Variants in ABTB2 observed in about 807,000 individuals in gnomAD.
ABTB2 encodes ankyrin repeat and BTB/POZ domain-containing protein 2.
A neutral mutation model predicts 104.1 loss-of-function variants in ABTB2; 56 were observed. The ratio of observed to expected loss-of-function variants is 0.54; its 90% CI spans 0.43 to 0.67. ABTB2 has a LOEUF of 0.67. Ranked by LOEUF, ABTB2 falls within the 30% of genes least tolerant of loss-of-function variation. The probability of loss-of-function intolerance (pLI) is 0.00; values close to 1 mark genes in which losing one functional copy is unlikely to be tolerated. For synonymous variants in ABTB2, 606 were observed against 608.2 expected, an observed-to-expected ratio of 1.00 and a Z score of 0.05; for missense variants, 1,279 against 1,407.7, an observed-to-expected ratio of 0.91 and a Z score of 1.46.
Position 34,178,830 on chromosome 11 carries a change from C to T in ABTB2, c.1245-5523G>A, listed in dbSNP as rs762044889. 2.3e-4 allele frequency among the ~76,000 whole-genome samples: 35 copies of T among 152,130 alleles called. 1 individual carries two copies. Among genetic ancestry groups the T allele is most frequent in the Non-Finnish European group, 4.6e-4 (31 of 68,030 alleles). ...GCAGCTGACACTTGTAATCCCAGCA[C>T]TTTGGAAGGCTGAGGTGGGCGGATT... On this transcript the variant is annotated intron_variant, in intron 3 of 16. Coordinates refer to ENST00000435224, the MANE Select transcript of ABTB2 (RefSeq NM_145804.3).
At chr11:34,211,533 A>G (rs1283153701) in intron 1 of ABTB2, among the ~76,000 whole-genome samples, 3 of 152,058 alleles carry the variant, frequency 2.0e-5, no homozygotes, top group Non-Finnish European at 4.4e-5. Context: ...GGGAAATAAG[A>G]GGAAAAACCT....
intron 9 of ABTB2, among the ~76,000 whole-genome samples, chr11:34,164,254 C>T (rs1018726161): frequency 6.6e-6 from 1 of 152,226 alleles, no homozygotes; most frequent in African/African-American, 2.4e-5. Flanking sequence ...GCAAGCTCTA[C>T]CATCTGCACC....
chr11:34,168,174 G>A (rs919696664), intron 5 of ABTB2, among the ~76,000 whole-genome samples, 182 bp from the exon 6 acceptor site: 3 of 152,162 alleles, frequency 2.0e-5, no homozygotes, highest in Non-Finnish European at 4.4e-5. Context: ...AGGTGAGTGG[G>A]GGCACTGCCA....
intron 1 of ABTB2, among the ~76,000 whole-genome samples, chr11:34,330,662 A>C (rs1477258728): frequency 6.6e-6 from 1 of 152,258 alleles, no homozygotes; most frequent in Admixed American, 6.5e-5. Context: ...TTGATAAATT[A>C]TACCCAATCC....
Position 34,162,701 on chromosome 11 carries a change from C to T in ABTB2, c.2093G>A (p.Ser698Asn), listed in dbSNP as rs1852739751. 6.2e-7 allele frequency: 1 copy of T among 1,612,690 alleles called. No homozygotes were observed. The highest frequency in any genetic ancestry group is 1.3e-5 in the African/African-American group (1 of 74,930). Residue 698 changes from serine to asparagine, a missense_variant, in exon 10 of 17, where the codon AGC (serine) becomes AAC (asparagine). Transcript: ENST00000435224. ...AEGVEESDAS[S>N]QGSGSEGPVR... ...GGGCCCCTCGCTGCCACTGCCCTGGCTCGACGCATCACTTTCCTCCACACC... is the reference window on the plus strand; with the variant it reads ...GGGCCCCTCGCTGCCACTGCCCTGGTTCGACGCATCACTTTCCTCCACACC...
chr11:34,329,450 A>G (rs1217404867), intron 1 of ABTB2, among the ~76,000 whole-genome samples: 2 of 152,080 alleles, frequency 1.3e-5, no homozygotes, highest in Non-Finnish European at 2.9e-5. Context: ...CAGCTGACCT[A>G]CAGTTCTCAG....
rs760963724 is a variant in ABTB2, at chr11:34,167,999, A to G, written c.1564-7T>C. ...ACATCAGTGGCGTCATACCCTGAGC[A>G]AATCAAATGCACGTGCTAAACTGTT... On this transcript the variant is annotated splice_polypyrimidine_tract_variant and splice_region_variant and intron_variant, in intron 5 of 16. Coordinates refer to ENST00000435224, the MANE Select transcript of ABTB2 (RefSeq NM_145804.3). 2.5e-5 allele frequency: 41 copies of G among 1,613,566 alleles called. No individual in the cohort carries two copies. The highest frequency in any genetic ancestry group is 3.5e-5 in the Non-Finnish European group (41 of 1,179,798).
chr11:34,157,768 C>T (rs1199830875), intron 14 of ABTB2, among the ~76,000 whole-genome samples: 1 of 152,240 alleles, frequency 6.6e-6, no homozygotes, highest in Non-Finnish European at 1.5e-5. Flanking sequence ...TCCCTCCATC[C>T]CCCCAGCCAC....
chr11:34,296,399 G>A (rs549964101), intron 1 of ABTB2, among the ~76,000 whole-genome samples: 2 of 152,302 alleles, frequency 1.3e-5, no homozygotes, highest in East Asian at 3.9e-4. Context: ...AGAAAATTAA[G>A]CTGGAAAGAT....
At chr11:34,203,458 G>A (rs1215099726) in intron 2 of ABTB2, among the ~76,000 whole-genome samples, 1 of 152,168 alleles carries the variant, frequency 6.6e-6, no homozygotes, top group Non-Finnish European at 1.5e-5. Flanking sequence ...GAGGGCCCAA[G>A]ACAGCCCATT....
chr11:34,357,527 G>T lies in ABTB2; in HGVS notation c.57C>A (p.Ser19=). 2 of 1,538,394 alleles carry T rather than the reference G, an allele frequency of 1.3e-6. No homozygotes were observed. The highest frequency in any genetic ancestry group is 1.7e-6 in the Non-Finnish European group (2 of 1,146,438). ...GGCACGAGTCCCCGGCCCCATACCC[G>T]GAGTCCAAGGTCAAGTCCTCCAGCG... ...LKTLEDLTLD[S]GYGAGDSCRS... The change falls in exon 1 of 17, where the codon TCC becomes TCA. Residue 19 remains serine (S), a synonymous_variant. Coordinates refer to ENST00000435224, the MANE Select transcript of ABTB2 (RefSeq NM_145804.3).
At chr11:34,165,196 C>T (rs1852781141) in intron 8 of ABTB2, 64 bp downstream of exon 8, 4 of 1,435,918 alleles carry the variant, frequency 2.8e-6, no homozygotes, top group Non-Finnish European at 3.8e-6. Context: ...CAGCTACATG[C>T]CTGGCCAGGC....
At chr11:34,227,102 C>T (rs899182289) in intron 1 of ABTB2, among the ~76,000 whole-genome samples, 2 of 151,746 alleles carry the variant, frequency 1.3e-5, no homozygotes, top group South Asian at 4.2e-4. Flanking sequence ...GGCGAAATCC[C>T]GTCTGTACTA....
chr11:34,260,673 G>GC (rs1565153476), intron 1 of ABTB2, among the ~76,000 whole-genome samples: 1 of 152,208 alleles, frequency 6.6e-6, no homozygotes, highest in Non-Finnish European at 1.5e-5. Context: ...TTATCTCACA[G>GC]GTTTTCTTAA....
chr11:34,255,924 A>G (rs1309218048), intron 1 of ABTB2, among the ~76,000 whole-genome samples: 1 of 152,136 alleles, frequency 6.6e-6, no homozygotes, highest in Non-Finnish European at 1.5e-5. Context: ...GACATTCCAA[A>G]TGTCTTCTTA....
intron 1 of ABTB2, chr11:34,335,619 A>G: frequency 6.6e-7 from 1 of 1,504,598 alleles, no homozygotes; most frequent in Non-Finnish European, 9.2e-7. Flanking sequence ...CTTGTTCAAC[A>G]GGTGCATCAT....
chr11:34,238,286 T>C (rs1264622287), intron 1 of ABTB2, among the ~76,000 whole-genome samples: 2 of 152,160 alleles, frequency 1.3e-5, no homozygotes, highest in Non-Finnish European at 2.9e-5. Context: ...TTCCCAAATC[T>C]CTGACCTGTA....
intron 14 of ABTB2, among the ~76,000 whole-genome samples, chr11:34,157,402 G>C (rs1028832860): frequency 1.2e-4 from 18 of 152,208 alleles, no homozygotes; most frequent in African/African-American, 4.3e-4. Context: ...TGCTGAGCCT[G>C]TTCTATGACA....
intron 7 of ABTB2, 29 bp from the exon 8 acceptor site, chr11:34,165,385 T>C: frequency 6.4e-7 from 1 of 1,560,230 alleles, no homozygotes; most frequent in Non-Finnish European, 8.7e-7. Context: ...AGGAGGGCAC[T>C]GCTCAGCGTG....
Sources: gnomAD v4.1 joint callset for allele counts (sites outside exome capture counted in the v4.1 genomes callset) on GRCh38, gnomAD v4.1.1 for gene constraint, MANE v1.5 for transcripts, NCBI Gene and HGNC (gene_info 2026-07-23, HGNC 2026-07-21) for gene names.